Variants in LBHD1 observed in about 807,000 individuals in gnomAD.
LBHD1 encodes the protein LBH domain-containing protein 1.
In LBHD1, 28 loss-of-function variants were observed where a neutral mutation model predicts 31.1. The observed-to-expected ratio is 0.90, with a 90% CI of 0.67 to 1.24. The LOEUF (loss-of-function observed/expected upper bound fraction) is 1.24, where lower values mean the gene tolerates loss of function less well. Ranked by LOEUF, LBHD1 falls within the 50% of genes most tolerant of loss-of-function variation. LBHD1 has a pLI of 0.00. For synonymous variants in LBHD1, 105 were observed against 116.5 expected, an observed-to-expected ratio of 0.90 and a Z score of 0.63; for missense variants, 350 against 323.0, an observed-to-expected ratio of 1.08 and a Z score of -0.64.
At chr11:62,666,391 C>G (rs1053173864) in intron 4 of LBHD1, 1 of 1,607,478 alleles carries the variant, frequency 6.2e-7, no homozygotes, top group Admixed American at 1.7e-5. Context: ...CAACCGTGCC[C>G]ACAGGCTCAC....
At chr11:62,670,067 A>G (rs1313032421) in intron 1 of LBHD1, 26 bp from the exon 2 acceptor site, 1 of 1,578,792 alleles carries the variant, frequency 6.3e-7, no homozygotes, top group Non-Finnish European at 8.6e-7. Flanking sequence ...GATTGAACTC[A>G]GAGGAGAGTA....
At chr11:62,666,234 G>A in intron 4 of LBHD1, 2 of 793,984 alleles carry the variant, frequency 2.5e-6, no homozygotes, top group Non-Finnish European at 4.1e-6. Flanking sequence ...TACTCAGGAG[G>A]CTGAGGTGGA....
chr11:62,665,193 C>T (rs916487860), intron 4 of LBHD1: 2 of 809,524 alleles, frequency 2.5e-6, no homozygotes, highest in Non-Finnish European at 2.1e-6. Flanking sequence ...CTCCAGTTCA[C>T]GGTCCGTACT....
At chr11:62,665,995 G>A (rs371004419) in intron 4 of LBHD1, 15 of 1,576,746 alleles carry the variant, frequency 9.5e-6, no homozygotes, top group South Asian at 6.7e-5. Context: ...GGCAGAGTGG[G>A]GAGGGTAAGG....
intron 5 of LBHD1, among the ~76,000 whole-genome samples, chr11:62,664,039 C>T (rs1301632047): frequency 7.0e-6 from 1 of 143,742 alleles, no homozygotes; most frequent in African/African-American, 2.6e-5. Context: ...TGCCACTTCA[C>T]TCCAGCCTGG....
At position 62,672,060 on chromosome 11, in the gene LBHD1, G is replaced by T. The variant is rs571957899; in HGVS notation, c.-507C>A. On this transcript the variant is annotated 5_prime_UTR_variant, in exon 1 of 7. Coordinates refer to ENST00000354588, the MANE Select transcript of LBHD1 (RefSeq NM_024099.5). ...CGACCACGCAGGAGAACGTGGCCTG[G>T]AGGAAGAACTGGATGGTTGGCGGCG... is the stretch of plus-strand genomic sequence containing the variant. 1 of 1,609,134 alleles carries T rather than the reference G, an allele frequency of 6.2e-7. No homozygotes were observed. Among genetic ancestry groups the T allele is most frequent in the African/African-American group, 1.3e-5 (1 of 75,014 alleles).
At chr11:62,670,809 G>A (rs1218362675) in intron 1 of LBHD1, 5 of 153,544 alleles carry the variant, frequency 3.3e-5, no homozygotes, top group African/African-American at 9.6e-5. Flanking sequence ...TACTCGGGAG[G>A]CTGAGGCAGG....
chr11:62,667,228 GAAT>G (rs1299900659), intron 4 of LBHD1: 2 of 677,324 alleles, frequency 3.0e-6, no homozygotes, highest in Non-Finnish European at 4.9e-6. Flanking sequence ...TGCAGAGTGA[GAAT>G]AACTTGGAGT....
intron 4 of LBHD1, chr11:62,666,136 C>T: frequency 2.5e-6 from 2 of 784,942 alleles, no homozygotes; most frequent in East Asian, 2.7e-5. Flanking sequence ...TCGCTTGGCC[C>T]AGGAGTTCGA....
At chr11:62,666,167 G>C in intron 4 of LBHD1, 1 of 699,526 alleles carries the variant, frequency 1.4e-6, no homozygotes, top group Non-Finnish European at 2.4e-6. Context: ...GGGCAACATA[G>C]CGAGACCCTG....
intron 1 of LBHD1, 158 bp from the exon 2 acceptor site, chr11:62,670,199 G>A (rs1372502988): frequency 4.1e-6 from 3 of 727,464 alleles, no homozygotes; most frequent in Non-Finnish European, 6.5e-6. Flanking sequence ...CAAGAGGTGA[G>A]ATAGGATCTT....
chr11:62,667,036 T>G, intron 4 of LBHD1: 1 of 1,601,626 alleles, frequency 6.2e-7, no homozygotes. Context: ...CTTACTTGAT[T>G]CAAGGCTCTC....
At chr11:62,666,865 G>A (rs368095657) in intron 4 of LBHD1, 15 of 1,614,068 alleles carry the variant, frequency 9.3e-6, no homozygotes, top group Non-Finnish European at 1.3e-5. Context: ...GGGCTTACCA[G>A]CTTCTATCAG....
chr11:62,671,713 C>G lies in LBHD1; in HGVS notation c.-160G>C. ...CAACAGCTTGCGGCTGCGGGGAGCT[C>G]CCGTGGGCGCTCCGCTGGCTGTGCA... On this transcript the variant is annotated 5_prime_UTR_variant, in exon 1 of 7. Coordinates refer to ENST00000354588, the MANE Select transcript of LBHD1 (RefSeq NM_024099.5). 1.2e-6 allele frequency: 2 copies of G among 1,610,330 alleles called. No individual in the cohort carries two copies. The highest frequency in any genetic ancestry group is 1.1e-5 in the South Asian group (1 of 90,908).
intron 4 of LBHD1, chr11:62,666,550 C>T: frequency 6.2e-7 from 1 of 1,614,204 alleles, no homozygotes; most frequent in Non-Finnish European, 8.5e-7. Context: ...CACAGGCTGC[C>T]AGTCCTCTGC....
chr11:62,671,141 C>T (rs1024013986), intron 1 of LBHD1: 1 of 363,198 alleles, frequency 2.8e-6, no homozygotes, highest in Admixed American at 3.5e-5. Context: ...ACAACAACAA[C>T]AAAACCAAAA....
At chr11:62,666,518 C>T (rs1005348888) in intron 4 of LBHD1, 1 of 1,614,032 alleles carries the variant, frequency 6.2e-7, no homozygotes, top group Non-Finnish European at 8.5e-7. Context: ...CCAGGGGCTC[C>T]TACTGCCATT....
At chr11:62,665,426 C>A in intron 4 of LBHD1, 1 of 1,532,546 alleles carries the variant, frequency 6.5e-7, no homozygotes. Flanking sequence ...CAGGACCCTC[C>A]TTTTCTTGGC....
intron 1 of LBHD1, 69 bp downstream of exon 1, chr11:62,671,495 G>A: frequency 7.3e-7 from 1 of 1,375,374 alleles, no homozygotes; most frequent in Non-Finnish European, 9.4e-7. Context: ...CGGAATTGAG[G>A]ACACAGGGTC....
Sources: gnomAD v4.1 joint callset for allele counts (sites outside exome capture counted in the v4.1 genomes callset) on GRCh38, gnomAD v4.1.1 for gene constraint, MANE v1.5 for transcripts, NCBI Gene and HGNC (gene_info 2026-07-23, HGNC 2026-07-21) for gene names.